Variants in CTNNA2 observed in about 807,000 individuals in gnomAD.
CTNNA2 encodes catenin alpha 2.
CTNNA2 carries 42 observed loss-of-function variants against 101.0 expected under a neutral mutation model. The ratio of observed to expected loss-of-function variants is 0.42; its 90% CI spans 0.32 to 0.54. The LOEUF (loss-of-function observed/expected upper bound fraction) is 0.54. CTNNA2 is among the 20% of genes least tolerant of loss of function. The pLI, the probability that CTNNA2 is intolerant of heterozygous loss-of-function variation, is 0.14. For synonymous variants in CTNNA2, 450 were observed against 456.4 expected (o/e 0.99, Z 0.18); for missense variants, 871 against 1,223.1 (o/e 0.71, Z 4.29).
chr2:79,630,032 A>C (rs898449662), intron 1 of CTNNA2, among the ~76,000 whole-genome samples: 6 of 152,164 alleles, frequency 3.9e-5, no homozygotes, highest in African/African-American at 1.2e-4. Flanking sequence ...TAGGTATCAG[A>C]CAACCAAGGA....
At chr2:79,703,760 C>T (rs192849905) in intron 2 of CTNNA2, among the ~76,000 whole-genome samples, 1 of 152,208 alleles carries the variant, frequency 6.6e-6, no homozygotes, top group Admixed American at 6.5e-5. Flanking sequence ...TTAAGGACTT[C>T]TACATTAAAA....
chr2:79,737,265 C>A (rs1670956064), intron 2 of CTNNA2, among the ~76,000 whole-genome samples: 1 of 151,514 alleles, frequency 6.6e-6, no homozygotes, highest in African/African-American at 2.4e-5. Context: ...AGGAGAATAG[C>A]TTGAACTCAG....
At chr2:79,891,832 T>A (rs550951578) in intron 6 of CTNNA2, among the ~76,000 whole-genome samples, 1 of 152,112 alleles carries the variant, frequency 6.6e-6, no homozygotes, top group African/African-American at 2.4e-5. Flanking sequence ...TATATATATA[T>A]ATGTCAAAAT....
At chr2:80,553,232 A>AT (rs369099820) in intron 11 of CTNNA2, among the ~76,000 whole-genome samples, 1 of 121,882 alleles carries the variant, frequency 8.2e-6, no homozygotes, top group Non-Finnish European at 1.8e-5. Flanking sequence ...TCAAAAAAAA[A>AT]AATAAAATAA....
chr2:80,425,327 T>G (rs889906926), intron 9 of CTNNA2, among the ~76,000 whole-genome samples: 6 of 152,194 alleles, frequency 3.9e-5, no homozygotes, highest in Admixed American at 2.0e-4. Context: ...GTTGTTGTTG[T>G]TTTTGTTGTT....
chr2:79,712,833 G>C (rs1685829220), intron 2 of CTNNA2, among the ~76,000 whole-genome samples: 1 of 152,158 alleles, frequency 6.6e-6, no homozygotes, highest in African/African-American at 2.4e-5. Context: ...AGAATTTGTG[G>C]ATGCAGTCTT....
intron 12 of CTNNA2, among the ~76,000 whole-genome samples, chr2:80,567,008 G>A (rs1266217297): frequency 2.6e-5 from 4 of 152,100 alleles, no homozygotes; most frequent in Non-Finnish European, 4.4e-5. Context: ...GGGCTTTAAT[G>A]AGATTCCAGC....
intron 1 of CTNNA2, among the ~76,000 whole-genome samples, chr2:79,578,046 G>A (rs577789381): frequency 4.3e-4 from 65 of 152,200 alleles, no homozygotes; most frequent in African/African-American, 1.5e-3. Flanking sequence ...AAAAATTACC[G>A]ATTCTTATGT....
At chr2:79,742,992 A>G (rs1364443960) in intron 2 of CTNNA2, among the ~76,000 whole-genome samples, 1 of 152,178 alleles carries the variant, frequency 6.6e-6, no homozygotes, top group East Asian at 1.9e-4. Flanking sequence ...CCGGATATTA[A>G]TTGTGACTTT....
intron 2 of CTNNA2, among the ~76,000 whole-genome samples, chr2:79,208,949 T>G (rs980871880): frequency 6.6e-6 from 1 of 152,164 alleles, no homozygotes; most frequent in African/African-American, 2.4e-5. Flanking sequence ...TATTTGGTAA[T>G]GATACTCATG....
At chr2:80,152,379 G>A (rs1703761992) in intron 7 of CTNNA2, among the ~76,000 whole-genome samples, 1 of 151,482 alleles carries the variant, frequency 6.6e-6, no homozygotes, top group Non-Finnish European at 1.5e-5. Flanking sequence ...GCTTATGTGT[G>A]CATGTGTGTT....
intron 4 of CTNNA2, chr2:79,500,706 CG>C (rs1376454395): frequency 6.6e-6 from 1 of 152,200 alleles, no homozygotes; most frequent in Non-Finnish European, 1.5e-5. Flanking sequence ...GATTGTCTCA[CG>C]GGAGAAGCTA....
intron 7 of CTNNA2, among the ~76,000 whole-genome samples, chr2:79,970,815 A>T (rs1027576563): frequency 6.6e-6 from 1 of 151,298 alleles, no homozygotes; most frequent in Admixed American, 6.6e-5. Flanking sequence ...GTCTAAAAAA[A>T]TTGAAAGTCA....
At chr2:80,357,155 T>C (rs1673891796) in intron 7 of CTNNA2, among the ~76,000 whole-genome samples, 1 of 151,992 alleles carries the variant, frequency 6.6e-6, no homozygotes, top group African/African-American at 2.4e-5. Flanking sequence ...AATGAGTCCA[T>C]GGTACCTGTT....
intron 7 of CTNNA2, among the ~76,000 whole-genome samples, chr2:80,135,597 A>G (rs1272541481): frequency 3.3e-5 from 5 of 152,254 alleles, no homozygotes; most frequent in Non-Finnish European, 7.4e-5. Flanking sequence ...AGTTGTCTGT[A>G]AATCTGTCCT....
At chr2:80,514,879 A>T (rs1190616131) in intron 9 of CTNNA2, among the ~76,000 whole-genome samples, 2 of 152,132 alleles carry the variant, frequency 1.3e-5, no homozygotes, top group Non-Finnish European at 2.9e-5. Context: ...AAAAAGAACC[A>T]ATCAGGAGAG....
intron 9 of CTNNA2, among the ~76,000 whole-genome samples, chr2:80,441,160 G>C (rs1438082862): frequency 6.6e-6 from 1 of 152,202 alleles, no homozygotes; most frequent in African/African-American, 2.4e-5. Flanking sequence ...CCTACATGGT[G>C]GGTGGAAGGA....
chr2:80,085,429 A>G (rs927084700), intron 7 of CTNNA2, among the ~76,000 whole-genome samples: 1 of 152,118 alleles, frequency 6.6e-6, no homozygotes, highest in Non-Finnish European at 1.5e-5. Context: ...ACCATGGTGC[A>G]AAAAGAGAAC....
chr2:79,644,796 C>G (rs1299267663), intron 1 of CTNNA2, among the ~76,000 whole-genome samples: 3 of 152,154 alleles, frequency 2.0e-5, no homozygotes, highest in Admixed American at 1.3e-4. Flanking sequence ...GCCTGTTCCT[C>G]TCTCATTCTC....
Sources: gnomAD v4.1 joint callset for allele counts (sites outside exome capture counted in the v4.1 genomes callset) on GRCh38, gnomAD v4.1.1 for gene constraint, MANE v1.5 for transcripts, NCBI Gene and HGNC (gene_info 2026-07-23, HGNC 2026-07-21) for gene names.